Variants in EMCN observed in about 807,000 individuals in gnomAD.
EMCN encodes MUC-14.
Under a neutral mutation model 38.4 loss-of-function variants are expected in EMCN, and 37 were observed. The observed-to-expected ratio is 0.96, with a 90% CI of 0.74 to 1.27. The LOEUF is 1.27. EMCN is among the 50% of genes most tolerant of loss of function. EMCN has a pLI of 0.00. For synonymous variants in EMCN, 95 were observed against 100.8 expected (o/e 0.94, Z 0.35); for missense variants, 318 against 302.8 (o/e 1.05, Z -0.37).
At chr4:100,481,873 C>T (rs1279788146) in intron 1 of EMCN, among the ~76,000 whole-genome samples, 2 of 151,762 alleles carry the variant, frequency 1.3e-5, no homozygotes, top group Non-Finnish European at 2.9e-5. Flanking sequence ...TTCCTTCCTT[C>T]CTTCTTCCCT....
At chr4:100,477,423 C>T (rs1487195464) in intron 2 of EMCN, among the ~76,000 whole-genome samples, 1 of 152,176 alleles carries the variant, frequency 6.6e-6, no homozygotes, top group African/African-American at 2.4e-5. Flanking sequence ...AGTCCCATTT[C>T]TCTAATTGGG....
intron 8 of EMCN, among the ~76,000 whole-genome samples, chr4:100,419,949 TG>T (rs1051664758): frequency 1.3e-5 from 2 of 152,064 alleles, no homozygotes; most frequent in Non-Finnish European, 2.9e-5. Flanking sequence ...ACTGGTGTCC[TG>T]GGGGGCACAC....
At position 100,431,243 on chromosome 4, in the gene EMCN, A is replaced by G. The variant is rs142434407; in HGVS notation, c.416-7839T>C. Among the ~76,000 whole-genome samples the G allele has an allele frequency of 1.8e-3, 279 of 152,310 alleles. 3 individuals carry two copies. Among genetic ancestry groups the G allele is most frequent in the African/African-American group, 6.3e-3 (264 of 41,594 alleles). ...GTTAAGGAAAGTAAAAAAGATATGT[A>G]TGATGAGATCTTTCAAGTTACGCTA... On this transcript the variant is annotated intron_variant, in intron 5 of 11. Transcript: ENST00000296420.
chr4:100,416,685 C>A (rs968090541), intron 9 of EMCN, among the ~76,000 whole-genome samples: 1 of 152,140 alleles, frequency 6.6e-6, no homozygotes, highest in Non-Finnish European at 1.5e-5. Context: ...TTGGTTGTTA[C>A]AGTTGCCTGG....
chr4:100,500,536 TG>T (rs1265985809), intron 1 of EMCN, among the ~76,000 whole-genome samples: 2 of 152,160 alleles, frequency 1.3e-5, no homozygotes, highest in African/African-American at 4.8e-5. Context: ...TAGAGGTAAC[TG>T]CTAATCTGAT....
At chr4:100,438,898 A>G (rs1183995135) in intron 5 of EMCN, among the ~76,000 whole-genome samples, 1 of 151,954 alleles carries the variant, frequency 6.6e-6, no homozygotes, top group Non-Finnish European at 1.5e-5. Context: ...ATTGATTTGT[A>G]TATGTTAAAC....
Position 100,517,933 on chromosome 4 carries a change from C to A in EMCN, c.-19G>T. ...GTTCCATGGTGCCCGTAGATGGTGT[C>A]AATATCTTCTTTCTCCAGAAGCAGG... On this transcript the variant is annotated 5_prime_UTR_variant, in exon 1 of 12. Transcript: ENST00000296420. The A allele has an allele frequency of 1.2e-6, 2 of 1,611,846 alleles. No individual in the cohort carries two copies. Among genetic ancestry groups the A allele is most frequent in the South Asian group, 2.2e-5 (2 of 90,998 alleles).
At chr4:100,415,295 G>A (rs1019434952) in intron 10 of EMCN, among the ~76,000 whole-genome samples, 1 of 152,166 alleles carries the variant, frequency 6.6e-6, no homozygotes, top group East Asian at 1.9e-4. Flanking sequence ...AAAAATCCAT[G>A]ATTTTAATTT....
chr4:100,423,779 C>T (rs1726966658), intron 5 of EMCN, among the ~76,000 whole-genome samples: 1 of 151,830 alleles, frequency 6.6e-6, no homozygotes, highest in African/African-American at 2.4e-5. Context: ...TGTTTTTTTT[C>T]TATCACACAT....
intron 2 of EMCN, among the ~76,000 whole-genome samples, chr4:100,476,065 A>G (rs1433860660): frequency 1.3e-5 from 2 of 152,100 alleles, no homozygotes; most frequent in Admixed American, 6.6e-5. Context: ...AAGCACTCAT[A>G]TAACATATGA....
intron 4 of EMCN, among the ~76,000 whole-genome samples, chr4:100,447,803 G>A (rs1301079980): frequency 6.6e-6 from 1 of 151,986 alleles, no homozygotes; most frequent in African/African-American, 2.4e-5. Flanking sequence ...TTTAGGTTTT[G>A]TGGACCATAA....
At chr4:100,455,745 T>C (rs1200859792) in intron 4 of EMCN, among the ~76,000 whole-genome samples, 1 of 152,070 alleles carries the variant, frequency 6.6e-6, no homozygotes, top group Non-Finnish European at 1.5e-5. Context: ...CCTGAATCTA[T>C]GGGTTTATAA....
At chr4:100,431,674 T>G (rs1252398888) in intron 5 of EMCN, among the ~76,000 whole-genome samples, 2 of 151,966 alleles carry the variant, frequency 1.3e-5, no homozygotes, top group African/African-American at 4.8e-5. Flanking sequence ...GCCTGAGTCT[T>G]TAGACCTCTC....
chr4:100,447,547 GT>G lies in EMCN; in HGVS notation c.400del (p.Thr134GlnfsTer21). 1 of 1,602,264 alleles carries G rather than the reference GT, an allele frequency of 6.2e-7. No individual in the cohort carries two copies. The highest frequency in any genetic ancestry group is 8.5e-7 in the Non-Finnish European group (1 of 1,170,700). On this transcript the variant is annotated frameshift_variant, in exon 5 of 12. Transcript: ENST00000296420. LOFTEE classifies it high-confidence loss of function. ...PKTETQSSIK[T>X]TEIPGSVLQP... Reference sequence around the variant, plus strand: ...AAAGAGCTTACCTGGTATTTCTGTTGTTTTAATTGAACTCTGAGTTTCAGCT... The same window carrying G: ...AAAGAGCTTACCTGGTATTTCTGTTGTTTAATTGAACTCTGAGTTTCAGCT...
intron 1 of EMCN, among the ~76,000 whole-genome samples, chr4:100,495,916 G>A (rs955660793): frequency 6.6e-6 from 1 of 151,924 alleles, no homozygotes; most frequent in Non-Finnish European, 1.5e-5. Flanking sequence ...ATTTTAAATA[G>A]AATTACCATC....
intron 4 of EMCN, among the ~76,000 whole-genome samples, chr4:100,462,334 C>G (rs1187575465): frequency 6.6e-6 from 1 of 152,118 alleles, no homozygotes; most frequent in Non-Finnish European, 1.5e-5. Flanking sequence ...ATCAATACAA[C>G]AGTCCCCAGA....
rs956988242 is a variant in EMCN, at chr4:100,402,656, A to C, written c.*40-4283T>G. Among the ~76,000 whole-genome samples the C allele has an allele frequency of 3.3e-5, 5 of 152,308 alleles. No individual in the cohort carries two copies. The South Asian group carries it at 8.3e-4, about 25-fold the overall frequency. The stretch of plus-strand genomic sequence containing the variant: ...CAAAATTACAAAAAGGAGCAATAAA[A>C]GTTATTTAGCTTTTCAAATCAAAAG... On this transcript the variant is annotated intron_variant, in intron 11 of 11. Coordinates refer to ENST00000296420, the MANE Select transcript of EMCN (RefSeq NM_016242.4).
chr4:100,485,916 T>C (rs1270327353), intron 1 of EMCN, among the ~76,000 whole-genome samples: 1 of 152,186 alleles, frequency 6.6e-6, no homozygotes, highest in East Asian at 1.9e-4. Context: ...CATATAAAAA[T>C]GTATAAGTAA....
rs993179021 is a variant in EMCN, at chr4:100,412,797, C to T, written c.752-2442G>A. On this transcript the variant is annotated intron_variant, in intron 10 of 11. Transcript: ENST00000296420. ...AAACATGCATGAGTTACAGTTTCAG[C>T]AGAAGACCTTATTCAACGAAGAATA... Among the ~76,000 whole-genome samples, 28 of 152,082 alleles carry T rather than the reference C, an allele frequency of 1.8e-4. 1 individual carries two copies. Among genetic ancestry groups the T allele is most frequent in the Non-Finnish European group, 4.4e-5 (3 of 68,020 alleles).
Sources: allele counts gnomAD v4.1 joint callset (sites outside exome capture counted in the v4.1 genomes callset), GRCh38; gene constraint gnomAD v4.1.1; transcripts MANE v1.5; gene names NCBI Gene and HGNC (gene_info 2026-07-23, HGNC 2026-07-21).